Variants in SYT16 observed in about 807,000 individuals in gnomAD.
SYT16 encodes the protein synaptotagmin-16.
SYT16 carries 42 observed loss-of-function variants against 61.4 expected under a neutral mutation model. That is an observed-to-expected ratio of 0.68 (90% CI 0.53 to 0.89). The LOEUF is 0.89. SYT16 is among the 40% of genes least tolerant of loss of function. SYT16 has a pLI of 0.00. For missense variants in SYT16, 804 were observed against 807.3 expected (o/e 1.00, Z 0.05); for synonymous variants, 314 against 302.3 (o/e 1.04, Z -0.40).
intron 1 of SYT16, among the ~76,000 whole-genome samples, chr14:61,958,426 T>C (rs1033416801): frequency 6.6e-6 from 1 of 152,008 alleles, no homozygotes; most frequent in African/African-American, 2.4e-5. Flanking sequence ...ACTTCTCTTC[T>C]AGTACTGCTT....
intron 3 of SYT16, among the ~76,000 whole-genome samples, chr14:62,018,351 A>C (rs1216191222): frequency 8.7e-6 from 1 of 114,628 alleles, no homozygotes; most frequent in East Asian, 2.6e-4. Context: ...CTTGTTACCC[A>C]GGCTGGAGTG....
chr14:62,022,175 A>C (rs2053935997), intron 3 of SYT16, among the ~76,000 whole-genome samples: 1 of 151,970 alleles, frequency 6.6e-6, no homozygotes, highest in South Asian at 2.1e-4. Context: ...ATTCCATATG[A>C]GACTGTTTTC....
chr14:61,997,182 C>G (rs1280552836), intron 3 of SYT16, among the ~76,000 whole-genome samples: 1 of 152,080 alleles, frequency 6.6e-6, no homozygotes, highest in African/African-American at 2.4e-5. Context: ...AATTAACTCT[C>G]TAAAAGTAGC....
intron 1 of SYT16, among the ~76,000 whole-genome samples, chr14:61,934,623 CA>C (rs2049905318): frequency 6.6e-6 from 1 of 152,146 alleles, no homozygotes; most frequent in Non-Finnish European, 1.5e-5. Flanking sequence ...TGTGGTGACC[CA>C]AAAGCGTTGG....
At chr14:62,048,670 T>C (rs557657013) in intron 3 of SYT16, among the ~76,000 whole-genome samples, 44 of 152,324 alleles carry the variant, frequency 2.9e-4, no homozygotes, top group Admixed American at 3.3e-4. Flanking sequence ...GATTCTGGTA[T>C]GTCGTGTCTT....
At chr14:61,829,341 T>TTA (rs1348162473) in intron 1 of SYT16, among the ~76,000 whole-genome samples, 1 of 152,222 alleles carries the variant, frequency 6.6e-6, no homozygotes, top group Admixed American at 6.5e-5. Context: ...GATTTTTTTA[T>TTA]TATCTTAAAT....
intron 1 of SYT16, among the ~76,000 whole-genome samples, chr14:61,899,586 TGTAGCATC>T (rs1336754659): frequency 6.6e-6 from 1 of 152,188 alleles, no homozygotes; most frequent in Non-Finnish European, 1.5e-5. Context: ...TAGTTTCAAA[TGTAGCATC>T]ATGAGCTTTG....
At chr14:61,975,686 G>A (rs553271238) in intron 2 of SYT16, among the ~76,000 whole-genome samples, 1 of 152,200 alleles carries the variant, frequency 6.6e-6, no homozygotes, top group South Asian at 2.1e-4. Context: ...TGACATGTGG[G>A]GATTATGGGG....
rs1398538485 is a variant in SYT16 at position 62,000,105 on chromosome 14, T to G, written c.523+3563T>G. ...ATACTTATTTTGTCTCTCGATTTTT[T>G]TTTTTTTTTTTTTTTTTTTTTTTAG... is the stretch of plus-strand genomic sequence containing the variant. On this transcript the variant is annotated intron_variant, in intron 3 of 7. Transcript: ENST00000683842. 7.4e-4 allele frequency among the ~76,000 whole-genome samples: 98 copies of G among 131,852 alleles called. 4 individuals carry two copies. Among genetic ancestry groups the G allele is most frequent in the Admixed American group, 1.4e-3 (18 of 13,084 alleles). The allele number at this position is 131,852 out of a possible 152,430, so 86.5% of individuals were successfully genotyped here.
At chr14:61,869,881 A>G (rs2047276428) in intron 1 of SYT16, among the ~76,000 whole-genome samples, 2 of 152,146 alleles carry the variant, frequency 1.3e-5, no homozygotes, top group African/African-American at 4.8e-5. Context: ...TTGAACTTGG[A>G]CTTCCCTCCC....
At position 62,079,423 on chromosome 14, in the gene SYT16, C is replaced by G. The variant is rs1267266440; in HGVS notation, c.994-1411C>G. On this transcript the variant is annotated intron_variant, in intron 5 of 7. Transcript: ENST00000683842. ...CTCTACTTTTTACAACATCCCTACA[C>G]AGAAGGTACCATCTCCATTTTACAG... 7 of 955,276 alleles carry G rather than the reference C, an allele frequency of 7.3e-6. No homozygotes were observed. The Admixed American group carries it at 2.1e-4, about 29-fold the overall frequency. The allele number at this position is 955,276 out of a possible 1,614,324, so 59.2% of individuals were successfully genotyped here.
At chr14:61,981,726 G>A (rs1275117733) in intron 2 of SYT16, among the ~76,000 whole-genome samples, 2 of 152,128 alleles carry the variant, frequency 1.3e-5, no homozygotes, top group Admixed American at 6.5e-5. Context: ...TGCTGGAGAT[G>A]GAGGCATTAG....
At chr14:62,080,373 C>T (rs982759421) in intron 5 of SYT16, among the ~76,000 whole-genome samples, 4 of 152,160 alleles carry the variant, frequency 2.6e-5, no homozygotes, top group Non-Finnish European at 5.9e-5. Context: ...CATCACCTTC[C>T]TGGGACTCCC....
At chr14:62,033,201 A>G (rs373152003) in intron 3 of SYT16, among the ~76,000 whole-genome samples, 12 of 145,678 alleles carry the variant, frequency 8.2e-5, no homozygotes, top group African/African-American at 3.1e-4. Context: ...AAGTAAGTAT[A>G]TAGCTATTTT....
chr14:61,889,800 C>A (rs897494134), intron 1 of SYT16, among the ~76,000 whole-genome samples: 2 of 152,150 alleles, frequency 1.3e-5, no homozygotes, highest in Non-Finnish European at 2.9e-5. Context: ...AAATAACTCT[C>A]TTTTCTTTAT....
At chr14:61,889,051 A>G (rs2048023916) in intron 1 of SYT16, among the ~76,000 whole-genome samples, 1 of 152,194 alleles carries the variant, frequency 6.6e-6, no homozygotes, top group Non-Finnish European at 1.5e-5. Flanking sequence ...AAAAGATTCA[A>G]AAACTTGGTA....
At chr14:62,080,777 A>G in intron 5 of SYT16, 57 bp from the exon 6 acceptor site, 1 of 1,528,522 alleles carries the variant, frequency 6.5e-7, no homozygotes. Flanking sequence ...CCAACTGGCC[A>G]AAATGTAATT....
At chr14:61,887,563 C>T (rs551479832) in intron 1 of SYT16, among the ~76,000 whole-genome samples, 9 of 152,236 alleles carry the variant, frequency 5.9e-5, no homozygotes, top group African/African-American at 2.2e-4. Flanking sequence ...GTATAACCAG[C>T]TTCATTAATG....
chr14:61,821,692 C>T (rs554094284), intron 1 of SYT16, among the ~76,000 whole-genome samples: 4 of 152,334 alleles, frequency 2.6e-5, no homozygotes, highest in African/African-American at 9.6e-5. Context: ...ATGCAAGTGA[C>T]ATTCCATCAC....
Sources: gnomAD v4.1 joint callset for allele counts (sites outside exome capture counted in the v4.1 genomes callset) on GRCh38, gnomAD v4.1.1 for gene constraint, MANE v1.5 for transcripts, NCBI Gene and HGNC (gene_info 2026-07-23, HGNC 2026-07-21) for gene names.